Variants in RPN1 observed in about 807,000 individuals in gnomAD.
RPN1 encodes ribophorin I.
A neutral mutation model predicts 55.5 loss-of-function variants in RPN1; 12 were observed. The observed-to-expected ratio is 0.22, with a 90% CI of 0.14 to 0.35. The LOEUF is 0.35. Among genes scored for constraint, RPN1 ranks in the 10% least tolerant of loss-of-function variants. The pLI is 1.00. For missense variants in RPN1, 679 were observed against 761.3 expected (o/e 0.89, Z 1.27); for synonymous variants, 317 against 305.9 (o/e 1.04, Z -0.38).
chr3:128,640,573 G>A (rs2069717521), intron 2 of RPN1, among the ~76,000 whole-genome samples: 3 of 152,118 alleles, frequency 2.0e-5, no homozygotes, highest in Non-Finnish European at 2.9e-5. Flanking sequence ...ATGTTTACTA[G>A]ACAGCTCCAC....
chr3:128,620,858 A>G (rs2069553581), intron 9 of RPN1, among the ~76,000 whole-genome samples: 1 of 152,220 alleles, frequency 6.6e-6, no homozygotes, highest in African/African-American at 2.4e-5. Context: ...TCTCCATTCT[A>G]GGACTCTGAG....
intron 3 of RPN1, 104 bp from the exon 4 acceptor site, chr3:128,632,261 G>T (rs774280747): frequency 3.0e-6 from 3 of 986,478 alleles, no homozygotes; most frequent in Non-Finnish European, 3.1e-6. Context: ...CAACAGAACG[G>T]GTAAATTATG....
At chr3:128,621,330 G>A (rs1336379509) in intron 9 of RPN1, among the ~76,000 whole-genome samples, 1 of 152,144 alleles carries the variant, frequency 6.6e-6, no homozygotes, top group Non-Finnish European at 1.5e-5. Flanking sequence ...GGGCAACATG[G>A]CGAAACCCCA....
Position 128,626,812 on chromosome 3 carries a change from T to A in RPN1, c.1057A>T (p.Met353Leu). 3.1e-6 allele frequency: 5 copies of A among 1,614,114 alleles called. No individual in the cohort carries two copies. The South Asian group carries it at 4.4e-5, about 14-fold the overall frequency. The change falls in exon 6 of 10, where the codon ATG becomes TTG. Residue 353 changes from methionine to leucine, a missense_variant. By Grantham distance (15) the Met-to-Leu change is conservative (BLOSUM62 2). Around this residue, in one of 3 missense-constraint regions of RPN1, gnomAD observed 306 missense variants for 360.0 expected, o/e 0.85. Coordinates refer to ENST00000296255, the MANE Select transcript of RPN1 (RefSeq NM_002950.4). ...TCAAACACATGGTCCACAAACCTCA[T>A]CTTCAGTGCATACTGGTCACCTGAA... ...YNLGDQYALK[M>L]RFVDHVFDEQ...
At chr3:128,622,056 C>T in intron 9 of RPN1, 108 bp downstream of exon 9, 1 of 1,107,150 alleles carries the variant, frequency 9.0e-7, no homozygotes, top group South Asian at 1.4e-5. Flanking sequence ...GCAGTCTTAT[C>T]CCACAAGCAT....
At chr3:128,627,024 G>C in intron 5 of RPN1, 192 bp from the exon 6 acceptor site, 1 of 574,496 alleles carries the variant, frequency 1.7e-6, no homozygotes. Flanking sequence ...CAGGGATGGG[G>C]GTCAAAACAC....
At chr3:128,633,033 T>C (rs2069652506) in intron 3 of RPN1, among the ~76,000 whole-genome samples, 1 of 152,224 alleles carries the variant, frequency 6.6e-6, no homozygotes, top group Non-Finnish European at 1.5e-5. Context: ...GTTTATTCGC[T>C]AGTTTATTCA....
chr3:128,637,365 T>C (rs1218475446), intron 3 of RPN1, among the ~76,000 whole-genome samples: 1 of 152,202 alleles, frequency 6.6e-6, no homozygotes, highest in Non-Finnish European at 1.5e-5. Flanking sequence ...TACTTTGGCA[T>C]GTTTGCGATT....
intron 2 of RPN1, among the ~76,000 whole-genome samples, chr3:128,642,986 T>A (rs565258413): frequency 6.9e-6 from 1 of 145,346 alleles, no homozygotes; most frequent in Non-Finnish European, 1.5e-5. Flanking sequence ...GCCATTGCAC[T>A]TCAGCTTGGG....
chr3:128,630,033 A>T lies in RPN1; in HGVS notation c.954T>A (p.Pro318=), dbSNP rs1462919278. The T allele has an allele frequency of 6.2e-7, 1 of 1,613,682 alleles. No homozygotes were observed. The highest frequency in any genetic ancestry group is 2.2e-5 in the East Asian group (1 of 44,878). ...LDDSVEMEIR[P]RFPLFGGWKT... ...TCCACCCGCCAAAGAGAGGGAAGCG[A>T]GGCCGGATTTCCATCTCTACAGAGT... The change falls in exon 5 of 10, where the codon CCT becomes CCA. Residue 318 remains proline (P), a synonymous_variant. Transcript: ENST00000296255.
chr3:128,640,688 GGCATCTTCTGAT>G (rs1417502545), intron 2 of RPN1, among the ~76,000 whole-genome samples: 1 of 152,050 alleles, frequency 6.6e-6, no homozygotes, highest in Non-Finnish European at 1.5e-5. Flanking sequence ...TAGAAACCCA[GGCATCTTCTGAT>G]GCCTCACTCT....
intron 6 of RPN1, 87 bp from the exon 7 acceptor site, chr3:128,626,099 G>T: frequency 7.4e-7 from 1 of 1,350,766 alleles, no homozygotes; most frequent in Non-Finnish European, 1.0e-6. Context: ...AGGCTAAGGA[G>T]CCTTTCAAGA....
chr3:128,640,022 A>C lies in RPN1; in HGVS notation c.327-1917T>G, dbSNP rs1041433053. On this transcript the variant is annotated intron_variant, in intron 2 of 9. Coordinates refer to ENST00000296255, the MANE Select transcript of RPN1 (RefSeq NM_002950.4). ...CCCTGTCTCTACTAAAAGTACAAAA[A>C]TTAGCCGGGCGTGGTGGCAGGCGCC... Among the ~76,000 whole-genome samples the C allele has an allele frequency of 2.6e-5, 4 of 152,116 alleles. No homozygotes were observed. The South Asian group carries it at 6.2e-4, about 24-fold the overall frequency.
At position 128,625,583 on chromosome 3, in the gene RPN1, AG is replaced by A; in HGVS notation, c.1345del (p.Leu449CysfsTer25). On this transcript the variant is annotated frameshift_variant, in exon 8 of 10. Coordinates refer to ENST00000296255, the MANE Select transcript of RPN1 (RefSeq NM_002950.4). LOFTEE classifies it high-confidence loss of function. ...PLLVVAAFYI[L>X]FFTVIIYVRL... Reference sequence around the variant, plus strand: ...AACATAGATGATAACGGTGAAGAACAGGATGTAGAAGGCCGCCACCACCAGC... The same window carrying A: ...AACATAGATGATAACGGTGAAGAACAGATGTAGAAGGCCGCCACCACCAGC... 6.2e-7 allele frequency: 1 copy of A among 1,614,132 alleles called. No individual in the cohort carries two copies. Among genetic ancestry groups the A allele is most frequent in the Non-Finnish European group, 8.5e-7 (1 of 1,180,022 alleles).
intron 1 of RPN1, among the ~76,000 whole-genome samples, chr3:128,646,336 A>C (rs1481097095): frequency 6.6e-6 from 1 of 151,866 alleles, no homozygotes; most frequent in Non-Finnish European, 1.5e-5. Context: ...CCTCCCACAG[A>C]TTACAGGCAC....
chr3:128,630,833 G>A (rs1437348329), intron 4 of RPN1, among the ~76,000 whole-genome samples: 2 of 152,204 alleles, frequency 1.3e-5, no homozygotes, highest in East Asian at 3.8e-4. Flanking sequence ...TATGGTTTAG[G>A]CCGGGCACGG....
chr3:128,635,640 G>GATATATATATATATATATATATATAGAT, intron 3 of RPN1, among the ~76,000 whole-genome samples: 1 of 114,080 alleles, frequency 8.8e-6, no homozygotes, highest in South Asian at 2.8e-4. Context: ...TATATATATA[G>GATATATATATATATATATATATATAGAT]ATATATATAT....
intron 2 of RPN1, among the ~76,000 whole-genome samples, chr3:128,640,057 A>C (rs2107719801): frequency 6.6e-6 from 1 of 152,256 alleles, no homozygotes. Flanking sequence ...CTGTAGTCCC[A>C]GATACTCGGG....
At chr3:128,631,896 A>G in intron 4 of RPN1, 52 bp downstream of exon 4, 1 of 1,584,298 alleles carries the variant, frequency 6.3e-7, no homozygotes, top group Non-Finnish European at 8.7e-7. Context: ...AAGAATAGGT[A>G]GCTGTGATAA....
Sources: gnomAD v4.1 joint callset for allele counts (sites outside exome capture counted in the v4.1 genomes callset) on GRCh38, gnomAD v4.1.1 for gene constraint, gnomAD v4.1.1 regional missense constraint, MANE v1.5 for transcripts, NCBI Gene and HGNC (gene_info 2026-07-23, HGNC 2026-07-21) for gene names.